ZNF516: variants seen among roughly 807,000 people sequenced by gnomAD.
ZNF516 encodes zinc finger protein 516.
In ZNF516, 19 loss-of-function variants were observed where a neutral mutation model predicts 79.7. That is an observed-to-expected ratio of 0.24 (90% confidence interval 0.17 to 0.35). The LOEUF (loss-of-function observed/expected upper bound fraction) is 0.35, where lower values mean the gene tolerates loss of function less well. ZNF516 is among the 10% of genes least tolerant of loss of function. ZNF516 has a pLI of 1.00. For synonymous variants in ZNF516, 877 were observed against 739.5 expected (o/e 1.19, Z -3.02); for missense variants, 1,678 against 1,679.5 (o/e 1.00, Z 0.02).
In ZNF516 at chr18:76,379,864, G is replaced by A; in HGVS notation, c.2250C>T (p.Ala750=). 2 of 1,613,884 alleles carry A rather than the reference G, an allele frequency of 1.2e-6. No homozygotes were observed. Among genetic ancestry groups the A allele is most frequent in the African/African-American group, 2.7e-5 (2 of 75,046 alleles). The change falls in exon 4 of 7, where the codon GCC becomes GCT. Residue 750 remains alanine, a synonymous_variant. Transcript: ENST00000443185. ...CGACTAAAGCCGCCTGCAGGGAGGA[G>A]GCCGTCTCCTTATTGCTGGGGTCAT... ...TRDDPSNKET[A]SSLQAALVVH...
rs1229074407 is a variant in ZNF516 at position 76,360,647 on chromosome 18, ATATAT to A, written c.*1846_*1850del. The A allele has an allele frequency of 1.3e-4, 8 of 61,768 alleles. 1 individual carries two copies. The South Asian group carries it at 2.4e-3, about 18-fold the overall frequency. The allele number at this position is 61,768 out of a possible 1,614,324, so 3.8% of individuals were successfully genotyped here. On this transcript the variant is annotated 3_prime_UTR_variant, in exon 7 of 7. Transcript: ENST00000443185. Reference sequence around the variant, plus strand: ...AAAAAATAAGTAAAAAAAAAAAAAAATATATATATATATATATATATATATATATA... The same window carrying A: ...AAAAAATAAGTAAAAAAAAAAAAAAAATATATATATATATATATATATATA...
intron 2 of ZNF516, among the ~76,000 whole-genome samples, chr18:76,461,483 C>T (rs892759288): frequency 6.6e-6 from 1 of 152,214 alleles, no homozygotes; most frequent in African/African-American, 2.4e-5. Context: ...GGCTACACCA[C>T]TTGAGAAGCC....
intron 3 of ZNF516, among the ~76,000 whole-genome samples, chr18:76,435,690 C>G (rs183539016): frequency 6.6e-6 from 1 of 152,190 alleles, no homozygotes; most frequent in Admixed American, 6.5e-5. Context: ...TTACTCCCAA[C>G]GAAAGGAACT....
chr18:76,383,377 C>T (rs1047247861), intron 3 of ZNF516, among the ~76,000 whole-genome samples: 5 of 151,358 alleles, frequency 3.3e-5, no homozygotes, highest in African/African-American at 1.2e-4. Flanking sequence ...CCCTCTTCTC[C>T]ACCAGGCACC....
rs541555448 is a variant in ZNF516, at chr18:76,468,288, G to A, written c.-271-5147C>T. On this transcript the variant is annotated intron_variant, in intron 1 of 6. Transcript: ENST00000443185. ...TTTAGTAAGAAAAACAATCACACTC[G>A]CTCTCTGGACAATTTAAAGTCCAAG... 8.1e-4 allele frequency among the ~76,000 whole-genome samples: 123 copies of A among 152,234 alleles called. 3 individuals are homozygous for A. In the South Asian group the frequency reaches 0.022, roughly 27 times the overall value.
chr18:76,461,512 T>C (rs1913108077), intron 2 of ZNF516, among the ~76,000 whole-genome samples: 1 of 152,168 alleles, frequency 6.6e-6, no homozygotes, highest in Non-Finnish European at 1.5e-5. Context: ...CCCTATTTAA[T>C]GTGGCCTTTA....
chr18:76,487,190 T>C (rs1280913144), intron 1 of ZNF516, among the ~76,000 whole-genome samples: 2 of 152,224 alleles, frequency 1.3e-5, no homozygotes, highest in African/African-American at 4.8e-5. Flanking sequence ...ACAATTCGAA[T>C]GTATACCATC....
rs771276300 is a variant in ZNF516, at chr18:76,441,658, C to T, written c.1397G>A (p.Arg466His). 1.3e-6 allele frequency: 2 copies of T among 1,545,288 alleles called. No individual in the cohort carries two copies. Among genetic ancestry groups the T allele is most frequent in the East Asian group, 2.4e-5 (1 of 40,848 alleles). Residue 466 changes from arginine (R) to histidine (H), a missense_variant, in exon 3 of 7, where the codon CGT (arginine) becomes CAT (histidine). By Grantham distance (29) the Arg-to-His change is conservative (BLOSUM62 0). Transcript: ENST00000443185. ...YVLVSQEKRK[R>H]EQDAPAAQGP... is the part of the protein sequence containing the mutation. ...CTGCGCGGCTGGTGCATCCTGCTCA[C>T]GCTTGCGCTTCTCCTGGCTCACCAG...
intron 3 of ZNF516, among the ~76,000 whole-genome samples, chr18:76,415,352 C>T (rs1322606533): frequency 6.6e-6 from 1 of 152,230 alleles, no homozygotes; most frequent in Non-Finnish European, 1.5e-5. Flanking sequence ...GTGACAATGG[C>T]CTGGCACTGA....
rs1568337957 is a variant in ZNF516 at position 76,493,962 on chromosome 18, A to T, written c.-272+1182T>A. On this transcript the variant is annotated intron_variant, in intron 1 of 6. Transcript: ENST00000443185. The surrounding 1 kb of genome is among the most constrained non-coding windows in gnomAD (Gnocchi z 5.2). ...TCTTTGCACACCCGGAGACCCGGTG[A>T]CTCTTTATCAGCGGAATGAGTAAGA... is the stretch of plus-strand genomic sequence containing the variant. The T allele has an allele frequency of 6.6e-6, 1 of 152,128 alleles. No homozygotes were observed. The highest frequency in any genetic ancestry group is 2.4e-5 in the African/African-American group (1 of 41,420). 9.4% of individuals were successfully genotyped at this position (152,128 alleles called of 1,614,324 possible). A position where few individuals can be genotyped will look rare whatever the true frequency, so the allele number is the denominator to read the frequency against.
intron 1 of ZNF516, among the ~76,000 whole-genome samples, chr18:76,471,221 A>T (rs1488303418): frequency 6.6e-6 from 1 of 152,158 alleles, no homozygotes; most frequent in Admixed American, 6.5e-5. Context: ...TGATTACCAT[A>T]CTTACTGAGC....
chr18:76,466,890 G>A (rs976162596), intron 1 of ZNF516, among the ~76,000 whole-genome samples: 15 of 152,224 alleles, frequency 9.9e-5, no homozygotes, highest in Admixed American at 3.3e-4. Flanking sequence ...GTGATGCCAC[G>A]GGCGGTGAAC....
At chr18:76,364,025 G>C (rs1482146683) in intron 6 of ZNF516, among the ~76,000 whole-genome samples, 10 of 152,192 alleles carry the variant, frequency 6.6e-5, no homozygotes, top group Non-Finnish European at 1.5e-4. Flanking sequence ...ACTTGCATTG[G>C]GTTAGGCATC....
chr18:76,415,305 G>A (rs1290396858), intron 3 of ZNF516, among the ~76,000 whole-genome samples: 3 of 152,238 alleles, frequency 2.0e-5, no homozygotes, highest in Non-Finnish European at 4.4e-5. Flanking sequence ...AGGCGTGAGT[G>A]TTCCCAGAGC....
At chr18:76,421,442 C>T (rs1192517739) in intron 3 of ZNF516, among the ~76,000 whole-genome samples, 1 of 152,202 alleles carries the variant, frequency 6.6e-6, no homozygotes, top group African/African-American at 2.4e-5. Context: ...CTGGTCCAGT[C>T]CGTGAGGCCA....
At position 76,379,247 on chromosome 18, in the gene ZNF516, G is replaced by A. The variant is rs777977562; in HGVS notation, c.2867C>T (p.Pro956Leu). Residue 956 changes from proline to leucine, a missense_variant, in exon 4 of 7, where the codon CCC becomes CTC. Pro to Leu is a moderately conservative substitution (Grantham distance 98). Transcript: ENST00000443185. ...GGGGGCAAAGCCAGCCCCCGCTGGG[G>A]GGACCCCAAACTTCTCCACAGGCTT... ...NSKPVEKFGV[P>L]PAGAGFAPTN... 20 of 1,612,474 alleles carry A rather than the reference G, an allele frequency of 1.2e-5. No homozygotes were observed. In the Admixed American group the frequency reaches 1.3e-4, roughly 11 times the overall value.
chr18:76,433,338 G>GTT (rs1243868790), intron 3 of ZNF516, among the ~76,000 whole-genome samples: 1 of 152,164 alleles, frequency 6.6e-6, no homozygotes, highest in Non-Finnish European at 1.5e-5. Flanking sequence ...TGTTCTCAGC[G>GTT]TGAGTCCTGC....
chr18:76,434,711 G>A (rs761556581), intron 3 of ZNF516, among the ~76,000 whole-genome samples: 15 of 152,264 alleles, frequency 9.9e-5, no homozygotes, highest in Middle Eastern at 3.4e-3. Context: ...TGCCCCTCGC[G>A]GACACACCAG....
At chr18:76,397,519 T>C (rs1212474788) in intron 3 of ZNF516, among the ~76,000 whole-genome samples, 1 of 152,220 alleles carries the variant, frequency 6.6e-6, no homozygotes, top group Non-Finnish European at 1.5e-5. Flanking sequence ...TTTTAAGTGA[T>C]AATCTACTAA....
Sources: allele counts gnomAD v4.1 joint callset (sites outside exome capture counted in the v4.1 genomes callset), GRCh38; gene constraint gnomAD v4.1.1; non-coding constraint Gnocchi (gnomAD v3.1); transcripts MANE v1.5; gene names NCBI Gene and HGNC (gene_info 2026-07-23, HGNC 2026-07-21).